The following FAM178B variants were observed in gnomAD, a reference collection of about 807,000 sequenced individuals.
FAM178B encodes the protein protein FAM178B.
A neutral mutation model predicts 91.7 loss-of-function variants in FAM178B; 82 were observed. The ratio of observed to expected loss-of-function variants is 0.89; its 90% CI spans 0.75 to 1.07. The LOEUF (loss-of-function observed/expected upper bound fraction) is 1.07, where lower values mean the gene tolerates loss of function less well. FAM178B is among the 50% of genes least tolerant of loss of function. The pLI is 0.00. For synonymous variants in FAM178B, 368 were observed against 359.4 expected (o/e 1.02, Z -0.27); for missense variants, 769 against 846.7 (o/e 0.91, Z 1.14).
chr2:96,883,080 C>T (rs1429078369), intron 14 of FAM178B, among the ~76,000 whole-genome samples: 1 of 152,220 alleles, frequency 6.6e-6, no homozygotes. Context: ...CTACAGCCTT[C>T]AAGGGGGCCG....
chr2:96,886,645 C>T (rs2080528607), intron 14 of FAM178B, among the ~76,000 whole-genome samples: 1 of 152,228 alleles, frequency 6.6e-6, no homozygotes, highest in Non-Finnish European at 1.5e-5. Flanking sequence ...GTTTCCGTCA[C>T]TAAAAACTCC....
In FAM178B at chr2:96,957,689, C is replaced by T. The variant is rs544351641; in HGVS notation, c.887+2599G>A. Reference sequence around the variant, plus strand: ...GCCCAGGAAGACGCCTTCCTTTCTCCGCTGTTCACCTCAGTTCCTGCCCAG... The same window carrying T: ...GCCCAGGAAGACGCCTTCCTTTCTCTGCTGTTCACCTCAGTTCCTGCCCAG... On this transcript the variant is annotated intron_variant, in intron 6 of 16. Coordinates refer to ENST00000490605, the MANE Select transcript of FAM178B (RefSeq NM_001122646.3). Among the ~76,000 whole-genome samples the T allele has an allele frequency of 5.3e-5, 8 of 152,340 alleles. No homozygotes were observed. In the East Asian group the frequency reaches 9.6e-4, roughly 18 times the overall value.
intron 14 of FAM178B, among the ~76,000 whole-genome samples, chr2:96,885,224 G>A (rs574082007): frequency 1.3e-5 from 2 of 152,400 alleles, no homozygotes; most frequent in East Asian, 3.9e-4. Context: ...AATGGCCATT[G>A]AATGGAAGTT....
intron 1 of FAM178B, among the ~76,000 whole-genome samples, chr2:96,984,446 T>C (rs1301546882): frequency 6.6e-6 from 1 of 152,108 alleles, no homozygotes; most frequent in African/African-American, 2.4e-5. Flanking sequence ...CAGCAGGAAG[T>C]TTCTGTCATA....
intron 6 of FAM178B, among the ~76,000 whole-genome samples, chr2:96,954,079 G>A (rs770598317): frequency 6.6e-6 from 1 of 152,210 alleles, no homozygotes; most frequent in African/African-American, 2.4e-5. Flanking sequence ...TCTGTCCACG[G>A]CCAAGCCAAT....
rs1559098057 is a variant in FAM178B, at chr2:96,960,354, GGGT to G, written c.818_820del (p.His273del). On this transcript the variant is annotated inframe_deletion, in exon 6 of 17. Transcript: ENST00000490605. Reference sequence around the variant, plus strand: ...TGAGGAGTCCAGGATGCATGGCAGGGGGTGACACCTGGGCAGAAACACAGTCTC... The same window carrying G: ...TGAGGAGTCCAGGATGCATGGCAGGGGACACCTGGGCAGAAACACAGTCTC... 1 of 1,551,818 alleles carries G rather than the reference GGGT, an allele frequency of 6.4e-7. No individual in the cohort carries two copies. Among genetic ancestry groups the G allele is most frequent in the Admixed American group, 2.0e-5 (1 of 51,004 alleles).
At chr2:96,889,787 C>T (rs2080625297) in intron 14 of FAM178B, among the ~76,000 whole-genome samples, 2 of 151,238 alleles carry the variant, frequency 1.3e-5, no homozygotes, top group Admixed American at 6.6e-5. Context: ...AGTGTGGTAA[C>T]GAGGAGTATA....
At chr2:96,944,554 C>T (rs2081790154) in intron 8 of FAM178B, among the ~76,000 whole-genome samples, 1 of 152,170 alleles carries the variant, frequency 6.6e-6, no homozygotes, top group Non-Finnish European at 1.5e-5. Context: ...CTACGGCAGC[C>T]ATTCTGCAAC....
intron 8 of FAM178B, among the ~76,000 whole-genome samples, chr2:96,941,069 G>A (rs1248254368): frequency 2.6e-5 from 4 of 152,122 alleles, no homozygotes; most frequent in Non-Finnish European, 4.4e-5. Flanking sequence ...AAAGAAATAC[G>A]GTATAGATAA....
At chr2:96,958,697 TAAAAAAAAAAAAAAAAAAAAAAAAAAAA>T (rs55924441) in intron 6 of FAM178B, among the ~76,000 whole-genome samples, 82 of 55,538 alleles carry the variant, frequency 1.5e-3, no homozygotes, top group South Asian at 6.8e-3. Context: ...CTCAAAATAC[TAAAAAAAAAAAAAAAAAAAAAAAAAAAA>T]AAAAAAAAAA....
At chr2:96,970,299 T>C (rs2082199814) in intron 4 of FAM178B, among the ~76,000 whole-genome samples, 1 of 152,130 alleles carries the variant, frequency 6.6e-6, no homozygotes, top group Admixed American at 6.5e-5. Context: ...GCCTGCACAC[T>C]GGGGTAGAAA....
At chr2:96,957,516 G>A (rs1386585892) in intron 6 of FAM178B, among the ~76,000 whole-genome samples, 1 of 152,208 alleles carries the variant, frequency 6.6e-6, no homozygotes, top group Non-Finnish European at 1.5e-5. Flanking sequence ...CTCCAGGGAA[G>A]CTGGGCAGCC....
intron 13 of FAM178B, among the ~76,000 whole-genome samples, chr2:96,897,477 G>T (rs2080845703): frequency 6.6e-6 from 1 of 152,152 alleles, no homozygotes. Context: ...TGCAAGAAGT[G>T]CCCCAGGATA....
chr2:96,902,037 G>A (rs997505665), intron 13 of FAM178B, among the ~76,000 whole-genome samples: 2 of 151,814 alleles, frequency 1.3e-5, no homozygotes, highest in Non-Finnish European at 2.9e-5. Context: ...GATCTCAGGC[G>A]ATCCCGCCCA....
chr2:96,936,632 C>T (rs1225537001), intron 8 of FAM178B, among the ~76,000 whole-genome samples: 1 of 151,914 alleles, frequency 6.6e-6, no homozygotes, highest in African/African-American at 2.4e-5. Flanking sequence ...GCCCCAACCT[C>T]CCAAGTAACT....
chr2:96,937,968 T>C (rs1057128480), intron 8 of FAM178B, among the ~76,000 whole-genome samples: 1 of 152,160 alleles, frequency 6.6e-6, no homozygotes, highest in Non-Finnish European at 1.5e-5. Flanking sequence ...GTCAAGGTCA[T>C]GGTTGCAGTG....
chr2:96,906,581 G>A (rs990721297), intron 12 of FAM178B, among the ~76,000 whole-genome samples: 1 of 151,988 alleles, frequency 6.6e-6, no homozygotes, highest in African/African-American at 2.4e-5. Context: ...CCCCCACACT[G>A]AGCACTGAGG....
intron 12 of FAM178B, among the ~76,000 whole-genome samples, chr2:96,918,219 C>T (rs1353673235): frequency 6.8e-6 from 1 of 147,952 alleles, no homozygotes; most frequent in Non-Finnish European, 1.5e-5. Context: ...TGAAAGGTAC[C>T]ATACATAAAG....
intron 14 of FAM178B, among the ~76,000 whole-genome samples, chr2:96,879,489 A>C (rs1336998544): frequency 2.0e-5 from 3 of 152,240 alleles, no homozygotes; most frequent in Admixed American, 6.5e-5. Context: ...CAGGCCCAGG[A>C]GTCTCCTCAG....
Sources: gnomAD v4.1 joint callset for allele counts (sites outside exome capture counted in the v4.1 genomes callset) on GRCh38, gnomAD v4.1.1 for gene constraint, MANE v1.5 for transcripts, NCBI Gene and HGNC (gene_info 2026-07-23, HGNC 2026-07-21) for gene names.